The following PRDM16 variants were observed in gnomAD, a reference collection of about 807,000 sequenced individuals.
PRDM16 encodes the protein PR/SET domain 16, also known as histone-lysine N-methyltransferase PRDM16.
Under a neutral mutation model 110.6 loss-of-function variants are expected in PRDM16, and 23 were observed. The observed-to-expected ratio is 0.21, with a 90% CI of 0.15 to 0.29. The LOEUF is 0.29. Among genes scored for constraint, PRDM16 ranks in the 10% least tolerant of loss-of-function variants. The pLI, the probability that PRDM16 is intolerant of heterozygous loss-of-function variation, is 1.00. For synonymous variants in PRDM16, 799 were observed against 781.8 expected, an observed-to-expected ratio of 1.02 and a Z score of -0.37; for missense variants, 1,615 against 1,794.3, an observed-to-expected ratio of 0.90 and a Z score of 1.81.
Position 3,350,030 on chromosome 1 carries a change from G to T in PRDM16, c.439-35122G>T, listed in dbSNP as rs1012060863. On this transcript the variant is annotated intron_variant, in intron 3 of 16. Transcript: ENST00000270722. This position sits in a 1 kb window ranked among gnomAD's most constrained non-coding sequence, Gnocchi z 7.1. ...GACCTGACTCCTGTCTTTGAGGGGG[G>T]AAGAGGACAGGGCAGAAAAGACCTG... Among the ~76,000 whole-genome samples, 1 of 152,210 alleles carries T rather than the reference G, an allele frequency of 6.6e-6. No homozygotes were observed. The highest frequency in any genetic ancestry group is 1.5e-5 in the Non-Finnish European group (1 of 68,036).
At chr1:3,149,323 T>C (rs913591221) in intron 1 of PRDM16, among the ~76,000 whole-genome samples, 3 of 152,116 alleles carry the variant, frequency 2.0e-5, no homozygotes, top group African/African-American at 7.2e-5. Context: ...GCAGGATGGC[T>C]TCCAGTGGCT....
At chr1:3,138,379 G>A (rs1431374468) in intron 1 of PRDM16, among the ~76,000 whole-genome samples, 1 of 152,234 alleles carries the variant, frequency 6.6e-6, no homozygotes, top group Non-Finnish European at 1.5e-5. Flanking sequence ...TCAGCGGGGA[G>A]GCATCTGGGC....
intron 3 of PRDM16, among the ~76,000 whole-genome samples, chr1:3,295,611 C>T (rs1179868400): frequency 2.0e-5 from 3 of 152,138 alleles, no homozygotes; most frequent in Admixed American, 1.3e-4. Context: ...CGAGCGTCCT[C>T]CTCTCCCTCC....
chr1:3,126,910 T>C (rs1569626645), intron 1 of PRDM16, among the ~76,000 whole-genome samples: 1 of 152,182 alleles, frequency 6.6e-6, no homozygotes, highest in African/African-American at 2.4e-5. Flanking sequence ...CGGCAAACTT[T>C]AGGGGATCGA....
chr1:3,108,993 A>G (rs938218821), intron 1 of PRDM16, among the ~76,000 whole-genome samples: 4 of 151,742 alleles, frequency 2.6e-5, no homozygotes, highest in African/African-American at 4.8e-5. Context: ...GAGGTATGAG[A>G]ATTGCTTGAA....
At chr1:3,111,660 C>T (rs900386889) in intron 1 of PRDM16, among the ~76,000 whole-genome samples, 3 of 152,146 alleles carry the variant, frequency 2.0e-5, no homozygotes, top group East Asian at 1.9e-4. Flanking sequence ...CCCCCTGGGG[C>T]GGGGGCGCAG....
chr1:3,171,029 G>A (rs1054555855), intron 1 of PRDM16, among the ~76,000 whole-genome samples: 11 of 152,210 alleles, frequency 7.2e-5, no homozygotes, highest in Non-Finnish European at 1.5e-4. Flanking sequence ...AGGGAAGGCT[G>A]GGATAGGGGC....
Position 3,181,385 on chromosome 1 carries a change from C to T in PRDM16, c.38-4740C>T, listed in dbSNP as rs111301330. On this transcript the variant is annotated intron_variant, in intron 1 of 16. Coordinates refer to ENST00000270722, the MANE Select transcript of PRDM16 (RefSeq NM_022114.4). ...GGTCTTACACACGCAGTCTTACACA[C>T]GGCCTTACGCATGGTCTTACACACG... is the stretch of plus-strand genomic sequence containing the variant. 7.9e-4 allele frequency among the ~76,000 whole-genome samples: 16 copies of T among 20,250 alleles called. 3 individuals are homozygous for T. Among genetic ancestry groups the T allele is most frequent in the Admixed American group, 2.1e-3 (3 of 1,430 alleles). The allele number at this position is 20,250 out of a possible 152,430, so 13.3% of individuals were successfully genotyped here.
rs1222201734 is a variant in PRDM16 at position 3,206,429 on chromosome 1, A to T, written c.387+19955A>T. 6.6e-6 allele frequency: 1 copy of T among 152,212 alleles called. No individual in the cohort carries two copies. The highest frequency in any genetic ancestry group is 1.9e-4 in the East Asian group (1 of 5,198). 9.4% of individuals were successfully genotyped at this position (152,212 alleles called of 1,614,324 possible). ...GGCGTGACCTCCAGGCAGCTCCGAG[A>T]CGGGAAGTGATTGGAGTGTAGGCGT... On this transcript the variant is annotated intron_variant, in intron 2 of 16. Coordinates refer to ENST00000270722, the MANE Select transcript of PRDM16 (RefSeq NM_022114.4). The surrounding 1 kb of genome is among the most constrained non-coding windows in gnomAD (Gnocchi z 4.9).
intron 1 of PRDM16, among the ~76,000 whole-genome samples, chr1:3,139,516 C>G (rs558084646): frequency 6.6e-6 from 1 of 152,232 alleles, no homozygotes; most frequent in African/African-American, 2.4e-5. Context: ...CAGACCCAGG[C>G]GCTCAGCCCA....
chr1:3,274,265 T>G (rs1640532420), intron 3 of PRDM16, among the ~76,000 whole-genome samples: 1 of 152,214 alleles, frequency 6.6e-6, no homozygotes, highest in African/African-American at 2.4e-5. Flanking sequence ...AGCAATAAAA[T>G]GGACTTAGGC....
chr1:3,135,052 G>T (rs936112347), intron 1 of PRDM16, among the ~76,000 whole-genome samples: 1 of 152,100 alleles, frequency 6.6e-6, no homozygotes, highest in African/African-American at 2.4e-5. Flanking sequence ...CTTCTGGAAG[G>T]TGCCACCCCC....
rs539589076 is a variant in PRDM16, at chr1:3,115,540, A to G, written c.37+46244A>G. Among the ~76,000 whole-genome samples, 4 of 152,330 alleles carry G rather than the reference A, an allele frequency of 2.6e-5. No individual in the cohort carries two copies. In the East Asian group the frequency reaches 7.7e-4, roughly 29 times the overall value. Reference sequence around the variant, plus strand: ...AGCCTAGCGAGTGGCGTTTATGTGGACAAAGGCGAGATCCCCCCATAGTCT... The same window carrying G: ...AGCCTAGCGAGTGGCGTTTATGTGGGCAAAGGCGAGATCCCCCCATAGTCT... On this transcript the variant is annotated intron_variant, in intron 1 of 16. Coordinates refer to ENST00000270722, the MANE Select transcript of PRDM16 (RefSeq NM_022114.4).
intron 3 of PRDM16, among the ~76,000 whole-genome samples, chr1:3,375,521 A>G (rs1476465454): frequency 6.6e-6 from 1 of 152,240 alleles, no homozygotes; most frequent in Non-Finnish European, 1.5e-5. Flanking sequence ...CCAGAGAGGA[A>G]GCCCAGCCCC....
At chr1:3,118,520 A>T (rs1027016850) in intron 1 of PRDM16, among the ~76,000 whole-genome samples, 1 of 152,150 alleles carries the variant, frequency 6.6e-6, no homozygotes, top group Non-Finnish European at 1.5e-5. Context: ...CCCCGGCATG[A>T]TGGCATCCGC....
chr1:3,315,199 C>T (rs1278565611), intron 3 of PRDM16, among the ~76,000 whole-genome samples: 1 of 145,876 alleles, frequency 6.9e-6, no homozygotes. Context: ...CTCTCCCTCT[C>T]CCTCTCCCTA....
intron 1 of PRDM16, among the ~76,000 whole-genome samples, chr1:3,079,069 C>T (rs2788093): frequency 0.12 from 17,610 of 152,296 alleles, 1,382 homozygotes; most frequent in Non-Finnish European, 0.18. Flanking sequence ...AGGAAGTTGG[C>T]GTGACTGTCT....
chr1:3,365,311 G>A (rs1431727022), intron 3 of PRDM16, among the ~76,000 whole-genome samples: 5 of 152,192 alleles, frequency 3.3e-5, no homozygotes, highest in African/African-American at 9.6e-5. Flanking sequence ...TGTCACACGT[G>A]TGCCAGATCT....
At chr1:3,368,526 C>T (rs1177673060) in intron 3 of PRDM16, among the ~76,000 whole-genome samples, 1 of 152,174 alleles carries the variant, frequency 6.6e-6, no homozygotes, top group East Asian at 1.9e-4. Context: ...GACAGTGTCT[C>T]CCCCAAGCCC....
Sources: allele counts gnomAD v4.1 joint callset (sites outside exome capture counted in the v4.1 genomes callset), GRCh38; gene constraint gnomAD v4.1.1; non-coding constraint Gnocchi (gnomAD v3.1); transcripts MANE v1.5; gene names NCBI Gene and HGNC (gene_info 2026-07-23, HGNC 2026-07-21).